HCN1: variants seen among roughly 807,000 people sequenced by gnomAD.
The protein encoded by HCN1 is hyperpolarization activated cyclic nucleotide gated potassium channel 1.
In HCN1, 13 loss-of-function variants were observed where a neutral mutation model predicts 78.9. The ratio of observed to expected loss-of-function variants is 0.16; its 90% CI spans 0.11 to 0.26. HCN1 has a LOEUF of 0.26. Among genes scored for constraint, HCN1 ranks in the 10% least tolerant of loss-of-function variants. The pLI is 1.00. For synonymous variants in HCN1, 552 were observed against 455.5 expected (o/e 1.21, Z -2.70); for missense variants, 810 against 1,154.3 (o/e 0.70, Z 4.32).
intron 5 of HCN1, among the ~76,000 whole-genome samples, chr5:45,317,927 G>A (rs2111930222): frequency 1.3e-5 from 2 of 152,288 alleles, no homozygotes; most frequent in Non-Finnish European, 1.5e-5. Context: ...AGGTGCTGGA[G>A]AGTATGTGGA....
chr5:45,631,272 T>G (rs1221032749), intron 2 of HCN1, among the ~76,000 whole-genome samples: 1 of 152,200 alleles, frequency 6.6e-6, no homozygotes, highest in Non-Finnish European at 1.5e-5. Context: ...TCTTCTTGAC[T>G]TTCTTGCAGT....
intron 3 of HCN1, among the ~76,000 whole-genome samples, chr5:45,441,388 G>A (rs1740676523): frequency 7.0e-6 from 1 of 143,242 alleles, no homozygotes; most frequent in African/African-American, 2.5e-5. Context: ...AGCGAGAGAA[G>A]GAAGGAAGGA....
At chr5:45,514,071 A>G (rs1427341492) in intron 2 of HCN1, among the ~76,000 whole-genome samples, 1 of 152,148 alleles carries the variant, frequency 6.6e-6, no homozygotes, top group African/African-American at 2.4e-5. Context: ...TACGTCAAAG[A>G]AAGGTTAACA....
intron 2 of HCN1, among the ~76,000 whole-genome samples, chr5:45,521,797 T>C (rs1383232155): frequency 6.6e-6 from 1 of 152,004 alleles, no homozygotes; most frequent in African/African-American, 2.4e-5. Flanking sequence ...ATAATATAAC[T>C]TATTATCAGC....
chr5:45,584,292 T>C (rs533990348), intron 2 of HCN1, among the ~76,000 whole-genome samples: 28 of 152,220 alleles, frequency 1.8e-4, no homozygotes, highest in Non-Finnish European at 1.3e-4. Context: ...AATGGCCTTC[T>C]TTGTCTCTTT....
chr5:45,549,189 G>A (rs1472668358), intron 2 of HCN1, among the ~76,000 whole-genome samples: 1 of 152,134 alleles, frequency 6.6e-6, no homozygotes, highest in Non-Finnish European at 1.5e-5. Flanking sequence ...GCATTGCCAT[G>A]TCAATCCTAA....
intron 5 of HCN1, among the ~76,000 whole-genome samples, chr5:45,338,668 C>G (rs192995468): frequency 6.6e-6 from 1 of 152,072 alleles, no homozygotes; most frequent in Non-Finnish European, 1.5e-5. Context: ...TCCTCCTCTC[C>G]CAAGTGAAAC....
intron 4 of HCN1, among the ~76,000 whole-genome samples, chr5:45,368,142 G>A (rs925144472): frequency 6.6e-6 from 1 of 151,956 alleles, no homozygotes; most frequent in Non-Finnish European, 1.5e-5. Context: ...TCTAATAGAA[G>A]AAGAGTAGAT....
At chr5:45,603,507 G>A (rs1278749343) in intron 2 of HCN1, among the ~76,000 whole-genome samples, 1 of 151,992 alleles carries the variant, frequency 6.6e-6, no homozygotes, top group Non-Finnish European at 1.5e-5. Context: ...ATCTTGCAGG[G>A]AGCTTTTTTA....
chr5:45,587,190 C>T (rs976423108), intron 2 of HCN1, among the ~76,000 whole-genome samples: 6 of 152,168 alleles, frequency 3.9e-5, no homozygotes, highest in Non-Finnish European at 7.3e-5. Flanking sequence ...CCAGCCATCC[C>T]ATTACTGGGT....
At chr5:45,275,387 G>T (rs1404422250) in intron 6 of HCN1, among the ~76,000 whole-genome samples, 3 of 152,090 alleles carry the variant, frequency 2.0e-5, no homozygotes, top group Non-Finnish European at 2.9e-5. Flanking sequence ...TGAAGCTTTG[G>T]CTCCAATTGA....
chr5:45,497,009 G>A (rs1223495108), intron 2 of HCN1, among the ~76,000 whole-genome samples: 10 of 152,174 alleles, frequency 6.6e-5, no homozygotes, highest in East Asian at 1.9e-4. Context: ...GTAGTTGAGC[G>A]GCTTTGAGTG....
intron 5 of HCN1, among the ~76,000 whole-genome samples, chr5:45,337,637 C>A (rs1458015671): frequency 6.6e-6 from 1 of 151,998 alleles, no homozygotes; most frequent in Non-Finnish European, 1.5e-5. Flanking sequence ...AAAGATAGTC[C>A]TTGCTTTTCC....
intron 2 of HCN1, among the ~76,000 whole-genome samples, chr5:45,590,113 C>T (rs932116597): frequency 6.6e-6 from 1 of 152,110 alleles, no homozygotes; most frequent in Non-Finnish European, 1.5e-5. Flanking sequence ...TTCTAAATCT[C>T]AGGGTAGTGT....
intron 6 of HCN1, among the ~76,000 whole-genome samples, chr5:45,298,149 T>C (rs1404889988): frequency 6.6e-6 from 1 of 152,044 alleles, no homozygotes; most frequent in Non-Finnish European, 1.5e-5. Context: ...GTGAAGACTT[T>C]ATGAGTTGAC....
At chr5:45,622,741 A>G (rs779842692) in intron 2 of HCN1, among the ~76,000 whole-genome samples, 4 of 152,366 alleles carry the variant, frequency 2.6e-5, no homozygotes, top group Middle Eastern at 3.4e-3. Flanking sequence ...CTGAAGTTAG[A>G]CTTTTCAGCT....
intron 2 of HCN1, among the ~76,000 whole-genome samples, chr5:45,625,859 G>T (rs983317533): frequency 7.9e-5 from 12 of 151,870 alleles, no homozygotes; most frequent in Non-Finnish European, 1.5e-4. Flanking sequence ...ACACTATTTT[G>T]ATCATTCTCT....
rs1411918672 is a variant in HCN1, at chr5:45,372,590, C to CATATAAAAATATATAAAACATTTT, written c.1231-19368_1231-19345dup. Among the ~76,000 whole-genome samples, 34 of 110,832 alleles carry CATATAAAAATATATAAAACATTTT rather than the reference C, an allele frequency of 3.1e-4. 5 individuals are homozygous for CATATAAAAATATATAAAACATTTT. Among genetic ancestry groups the CATATAAAAATATATAAAACATTTT allele is most frequent in the African/African-American group, 5.4e-4 (14 of 25,994 alleles). 72.7% of individuals were successfully genotyped at this position (110,832 alleles called of 152,430 possible). ...CATATAAAAATATATAAAACATTTA[C>CATATAAAAATATATAAAACATTTT]ATATAAAAATATATAAAACATTTTA... On this transcript the variant is annotated intron_variant, in intron 4 of 7. Coordinates refer to ENST00000303230, the MANE Select transcript of HCN1 (RefSeq NM_021072.4).
At chr5:45,522,088 T>G (rs893114140) in intron 2 of HCN1, among the ~76,000 whole-genome samples, 1 of 151,998 alleles carries the variant, frequency 6.6e-6, no homozygotes, top group African/African-American at 2.4e-5. Context: ...TAGTCATGTA[T>G]CTTACCTAAT....
Sources: allele counts gnomAD v4.1 joint callset (sites outside exome capture counted in the v4.1 genomes callset), GRCh38; gene constraint gnomAD v4.1.1; transcripts MANE v1.5; gene names NCBI Gene and HGNC (gene_info 2026-07-23, HGNC 2026-07-21).